Variants in FAM210A observed in about 807,000 individuals in gnomAD.
The protein encoded by FAM210A is mitochondrial inner membrane scaffold 1.
A neutral mutation model predicts 25.3 loss-of-function variants in FAM210A; 13 were observed. That is an observed-to-expected ratio of 0.51 (90% confidence interval 0.33 to 0.82). FAM210A has a LOEUF of 0.82. Among genes scored for constraint, FAM210A ranks in the 40% least tolerant of loss-of-function variants. FAM210A has a pLI of 0.02. For synonymous variants in FAM210A, 125 were observed against 118.7 expected (o/e 1.05, Z -0.35); for missense variants, 319 against 323.2 (o/e 0.99, Z 0.10).
intron 3 of FAM210A, among the ~76,000 whole-genome samples, chr18:13,671,293 C>G (rs1272061803): frequency 1.3e-5 from 2 of 151,802 alleles, no homozygotes; most frequent in Admixed American, 6.6e-5. Context: ...ACACACAAAA[C>G]AAAACAAAAA....
chr18:13,669,073 A>AT (rs1175309972), intron 3 of FAM210A, among the ~76,000 whole-genome samples: 5 of 152,138 alleles, frequency 3.3e-5, no homozygotes, highest in African/African-American at 1.2e-4. Context: ...TCTTTTCCAT[A>AT]ATTTATATCC....
In FAM210A at chr18:13,663,466, G is replaced by A. The variant is rs1181506863; in HGVS notation, c.*3014C>T. 2 of 151,972 alleles carry A rather than the reference G, an allele frequency of 1.3e-5. No homozygotes were observed. Among genetic ancestry groups the A allele is most frequent in the Non-Finnish European group, 1.5e-5 (1 of 67,988 alleles). 9.4% of individuals were successfully genotyped at this position (151,972 alleles called of 1,614,324 possible). On this transcript the variant is annotated 3_prime_UTR_variant, in exon 4 of 4. Coordinates refer to ENST00000651643, the MANE Select transcript of FAM210A (RefSeq NM_152352.4). ...CAGCACCCTGCTGTATGTACAAAAG[G>A]CTGTCTCAGTGAAATACATTTTTTG...
chr18:13,700,599 A>G (rs1169886010), intron 1 of FAM210A, among the ~76,000 whole-genome samples: 1 of 152,156 alleles, frequency 6.6e-6, no homozygotes. Context: ...TTAATCAGCA[A>G]TCCCCACACT....
At chr18:13,721,717 C>A (rs1013891288) in intron 1 of FAM210A, among the ~76,000 whole-genome samples, 1 of 152,006 alleles carries the variant, frequency 6.6e-6, no homozygotes, top group Non-Finnish European at 1.5e-5. Context: ...ATATGGGGAC[C>A]CACTGTGAGG....
intron 3 of FAM210A, among the ~76,000 whole-genome samples, chr18:13,667,999 G>T (rs1601937752): frequency 6.6e-6 from 1 of 152,206 alleles, no homozygotes; most frequent in East Asian, 1.9e-4. Flanking sequence ...GGAGTTCGAG[G>T]CTGCAGGGAG....
chr18:13,712,059 T>C (rs2043825983), intron 1 of FAM210A, among the ~76,000 whole-genome samples: 1 of 151,844 alleles, frequency 6.6e-6, no homozygotes, highest in Non-Finnish European at 1.5e-5. Flanking sequence ...AAGATGAAAA[T>C]GACAAAAAAA....
chr18:13,717,610 CA>C (rs1391619250), intron 1 of FAM210A, among the ~76,000 whole-genome samples: 1 of 151,678 alleles, frequency 6.6e-6, no homozygotes, highest in Non-Finnish European at 1.5e-5. Context: ...AAAAGTCTGC[CA>C]AAAAAATAAA....
At position 13,698,847 on chromosome 18, in the gene FAM210A, C is replaced by T. The variant is rs2043716893; in HGVS notation, c.-28-16742G>A. On this transcript the variant is annotated intron_variant, in intron 1 of 3. Coordinates refer to ENST00000651643, the MANE Select transcript of FAM210A (RefSeq NM_152352.4). ...CCTCCCCCCGATACCTATAAGTACT[C>T]CAGCCTGTAAGCGGCAGTGAGCACT... is the stretch of plus-strand genomic sequence containing the variant. Among the ~76,000 whole-genome samples, 2 of 152,218 alleles carry T rather than the reference C, an allele frequency of 1.3e-5. 1 individual carries two copies. Among genetic ancestry groups the T allele is most frequent in the South Asian group, 4.1e-4 (2 of 4,826 alleles).
At chr18:13,688,063 C>T (rs897501655) in intron 1 of FAM210A, among the ~76,000 whole-genome samples, 7 of 152,134 alleles carry the variant, frequency 4.6e-5, no homozygotes, top group African/African-American at 1.4e-4. Context: ...CTGATAATGT[C>T]GATTACTAGC....
intron 1 of FAM210A, among the ~76,000 whole-genome samples, chr18:13,707,122 C>T (rs2043784194): frequency 6.6e-6 from 1 of 152,198 alleles, no homozygotes; most frequent in Non-Finnish European, 1.5e-5. Flanking sequence ...AAATGTGCAG[C>T]CATGAGGACA....
At chr18:13,718,253 C>T (rs1034663239) in intron 1 of FAM210A, among the ~76,000 whole-genome samples, 1 of 152,144 alleles carries the variant, frequency 6.6e-6, no homozygotes, top group Non-Finnish European at 1.5e-5. Context: ...CTTAAGAAAC[C>T]TTCCCACTGC....
intron 1 of FAM210A, among the ~76,000 whole-genome samples, chr18:13,715,755 A>G (rs2043857117): frequency 6.6e-6 from 1 of 152,236 alleles, no homozygotes; most frequent in Non-Finnish European, 1.5e-5. Context: ...TTTAAGTCCT[A>G]AGTAGTATCA....
At chr18:13,706,124 C>A (rs569085042) in intron 1 of FAM210A, among the ~76,000 whole-genome samples, 3 of 152,300 alleles carry the variant, frequency 2.0e-5, no homozygotes, top group Admixed American at 2.0e-4. Flanking sequence ...TGTATTTTGG[C>A]TTCATAATCT....
chr18:13,702,029 AAG>A (rs1354826575), intron 1 of FAM210A, among the ~76,000 whole-genome samples: 4 of 152,218 alleles, frequency 2.6e-5, no homozygotes, highest in African/African-American at 4.8e-5. Flanking sequence ...TTGCAAAATT[AAG>A]AGACTTTTAC....
chr18:13,701,525 C>CAA (rs199972289), intron 1 of FAM210A, among the ~76,000 whole-genome samples: 1 of 146,386 alleles, frequency 6.8e-6, no homozygotes, highest in African/African-American at 2.5e-5. Context: ...TAAGTAGGGG[C>CAA]AAAAAAAAAT....
At chr18:13,695,908 T>G (rs964946503) in intron 1 of FAM210A, among the ~76,000 whole-genome samples, 1 of 152,142 alleles carries the variant, frequency 6.6e-6, no homozygotes, top group Non-Finnish European at 1.5e-5. Context: ...AGTGATTTTA[T>G]AAGATCAAAT....
chr18:13,671,714 C>A, intron 3 of FAM210A, 148 bp downstream of exon 3: 7 of 373,308 alleles, frequency 1.9e-5, no homozygotes, highest in Non-Finnish European at 2.9e-5. Flanking sequence ...AAAAAATTAT[C>A]TTACATTATT....
chr18:13,716,506 C>T (rs1161143426), intron 1 of FAM210A, among the ~76,000 whole-genome samples: 4 of 152,118 alleles, frequency 2.6e-5, no homozygotes, highest in Non-Finnish European at 4.4e-5. Context: ...TGGGGGTGAG[C>T]AAGGAAACAT....
chr18:13,695,927 G>GT (rs2043689326), intron 1 of FAM210A, among the ~76,000 whole-genome samples: 1 of 152,002 alleles, frequency 6.6e-6, no homozygotes, highest in African/African-American at 2.4e-5. Context: ...ATATATAAAA[G>GT]TTAACTGTCT....
Sources: allele counts gnomAD v4.1 joint callset (sites outside exome capture counted in the v4.1 genomes callset), GRCh38; gene constraint gnomAD v4.1.1; transcripts MANE v1.5; gene names NCBI Gene and HGNC (gene_info 2026-07-23, HGNC 2026-07-21).